Variants in KIAA1217 observed in about 807,000 individuals in gnomAD.
KIAA1217 encodes KIAA1217, also known as sickle tail protein homolog.
Under a neutral mutation model 163.9 loss-of-function variants are expected in KIAA1217, and 88 were observed. The observed-to-expected ratio is 0.54, with a 90% CI of 0.45 to 0.64. KIAA1217 has a LOEUF of 0.64. Ranked by LOEUF, KIAA1217 falls within the 30% of genes least tolerant of loss-of-function variation. The pLI is 0.00. For missense variants in KIAA1217, 2,372 were observed against 2,475.0 expected, an observed-to-expected ratio of 0.96 and a Z score of 0.88; for synonymous variants, 903 against 923.1, an observed-to-expected ratio of 0.98 and a Z score of 0.39.
intron 3 of KIAA1217, among the ~76,000 whole-genome samples, chr10:24,397,511 C>T (rs1178708120): frequency 1.3e-5 from 2 of 152,112 alleles, no homozygotes; most frequent in African/African-American, 2.4e-5. Flanking sequence ...AGATTGGAAC[C>T]CAAGCAGCCT....
chr10:24,423,394 C>A (rs1165671342), intron 3 of KIAA1217, among the ~76,000 whole-genome samples: 2 of 152,052 alleles, frequency 1.3e-5, no homozygotes, highest in Non-Finnish European at 1.5e-5. Flanking sequence ...AAGTGATTCT[C>A]CTGCCTCAAA....
intron 1 of KIAA1217, among the ~76,000 whole-genome samples, chr10:23,733,105 C>T (rs1258766949): frequency 2.6e-5 from 4 of 151,936 alleles, no homozygotes; most frequent in Non-Finnish European, 5.9e-5. Context: ...CATTCACCTC[C>T]CAGGTTCAAG....
intron 1 of KIAA1217, among the ~76,000 whole-genome samples, chr10:23,910,730 T>C (rs773745933): frequency 6.6e-6 from 1 of 152,196 alleles, no homozygotes. Context: ...TCGACTGTTA[T>C]GAACAGCCGC....
chr10:24,187,067 G>A (rs2066468396), intron 2 of KIAA1217, among the ~76,000 whole-genome samples: 1 of 151,864 alleles, frequency 6.6e-6, no homozygotes, highest in South Asian at 2.1e-4. Flanking sequence ...TGGTTTTATT[G>A]ATCTGCCTTT....
chr10:24,131,537 C>T (rs576071519), intron 2 of KIAA1217, among the ~76,000 whole-genome samples: 29 of 152,290 alleles, frequency 1.9e-4, no homozygotes, highest in African/African-American at 6.7e-4. Flanking sequence ...AACTGCAGCC[C>T]TTTGGAAAAG....
At chr10:24,346,717 G>A (rs1203726919) in intron 2 of KIAA1217, among the ~76,000 whole-genome samples, 2 of 151,358 alleles carry the variant, frequency 1.3e-5, no homozygotes, top group African/African-American at 2.4e-5. Flanking sequence ...ACCACCAGGT[G>A]TGCACCACCA....
chr10:23,873,514 G>A (rs922400063), intron 1 of KIAA1217, among the ~76,000 whole-genome samples: 6 of 151,930 alleles, frequency 3.9e-5, no homozygotes, highest in African/African-American at 1.2e-4. Context: ...ATTTTAAGAC[G>A]GATAAATGAG....
At chr10:24,421,846 T>C (rs374001401) in intron 3 of KIAA1217, among the ~76,000 whole-genome samples, 7 of 152,368 alleles carry the variant, frequency 4.6e-5, no homozygotes, top group African/African-American at 1.7e-4. Flanking sequence ...TGTTTGTTCA[T>C]ATATTGCTGT....
chr10:23,754,376 C>A (rs1168558893), intron 1 of KIAA1217, among the ~76,000 whole-genome samples: 1 of 152,206 alleles, frequency 6.6e-6, no homozygotes, highest in Non-Finnish European at 1.5e-5. Flanking sequence ...CCCCTCCTGG[C>A]ACCATGTGAC....
intron 1 of KIAA1217, among the ~76,000 whole-genome samples, chr10:23,813,829 A>G (rs1837187963): frequency 6.6e-6 from 1 of 152,074 alleles, no homozygotes. Flanking sequence ...GTCAGTTCAC[A>G]CTCTTCTAGT....
intron 5 of KIAA1217, among the ~76,000 whole-genome samples, chr10:24,467,816 G>A (rs1256642659): frequency 7.0e-6 from 1 of 143,432 alleles, no homozygotes; most frequent in Non-Finnish European, 1.5e-5. Flanking sequence ...GTGTGTGTAT[G>A]TGTGTGTGTG....
rs35622932 is a variant in KIAA1217, at chr10:24,276,608, CTTT to C, written c.354+56714_354+56716del. ...TACTGGCACATGCCATCAAGTCCAG[CTTT>C]TTTTTTTTTTTTTTCTGAGATGGAA... On this transcript the variant is annotated intron_variant, in intron 2 of 20. Transcript: ENST00000376454. Among the ~76,000 whole-genome samples, 132 of 138,090 alleles carry C rather than the reference CTTT, an allele frequency of 9.6e-4. 1 individual carries two copies. Among genetic ancestry groups the C allele is most frequent in the East Asian group, 5.0e-3 (23 of 4,626 alleles). The allele number at this position is 138,090 out of a possible 152,430, so 90.6% of individuals were successfully genotyped here. A position where few individuals can be genotyped will look rare whatever the true frequency, so the allele number is the denominator to read the frequency against.
At chr10:23,820,872 A>G (rs1389584791) in intron 1 of KIAA1217, among the ~76,000 whole-genome samples, 3 of 152,310 alleles carry the variant, frequency 2.0e-5, no homozygotes, top group South Asian at 2.1e-4. Flanking sequence ...AATTTTAAAG[A>G]TGAAGAGCAG....
intron 1 of KIAA1217, among the ~76,000 whole-genome samples, chr10:23,907,292 TTGTGTGTG>T (rs146002283): frequency 6.9e-6 from 1 of 145,762 alleles, no homozygotes. Flanking sequence ...CCAATATGAT[TTGTGTGTG>T]TGTGTGTGTG....
intron 2 of KIAA1217, among the ~76,000 whole-genome samples, chr10:24,357,857 T>A (rs2049323334): frequency 6.6e-6 from 1 of 152,168 alleles, no homozygotes; most frequent in Non-Finnish European, 1.5e-5. Flanking sequence ...GATTGGTGTC[T>A]GGAAGTGAGT....
At chr10:24,284,346 T>C (rs1445176383) in intron 2 of KIAA1217, among the ~76,000 whole-genome samples, 1 of 152,158 alleles carries the variant, frequency 6.6e-6, no homozygotes, top group South Asian at 2.1e-4. Context: ...AACACAGCAC[T>C]CAATAGGAAG....
intron 1 of KIAA1217, among the ~76,000 whole-genome samples, chr10:23,973,535 A>G (rs1845410033): frequency 6.6e-6 from 1 of 152,252 alleles, no homozygotes; most frequent in Non-Finnish European, 1.5e-5. Context: ...ATTGTGCAGA[A>G]ATTCTATGAA....
intron 2 of KIAA1217, among the ~76,000 whole-genome samples, chr10:24,376,665 G>A (rs981411537): frequency 3.3e-5 from 5 of 152,180 alleles, no homozygotes; most frequent in Non-Finnish European, 7.3e-5. Context: ...AGGAGGCTGA[G>A]GTGGGAGGAT....
At chr10:23,934,625 ATTT>A (rs1183009109) in intron 1 of KIAA1217, among the ~76,000 whole-genome samples, 1 of 68,570 alleles carries the variant, frequency 1.5e-5, no homozygotes, top group African/African-American at 9.2e-5. Flanking sequence ...ATATATATAT[ATTT>A]TTTTTTTGAG....
Sources: allele counts gnomAD v4.1 joint callset (sites outside exome capture counted in the v4.1 genomes callset), GRCh38; gene constraint gnomAD v4.1.1; transcripts MANE v1.5; gene names NCBI Gene and HGNC (gene_info 2026-07-23, HGNC 2026-07-21).